DAGLA: variants seen among roughly 807,000 people sequenced by gnomAD.
DAGLA encodes diacylglycerol lipase-alpha.
In DAGLA, 22 loss-of-function variants were observed where a neutral mutation model predicts 102.6. That is an observed-to-expected ratio of 0.21 (90% confidence interval 0.15 to 0.31). The LOEUF (loss-of-function observed/expected upper bound fraction) is 0.31. Ranked by LOEUF, DAGLA falls within the 10% of genes least tolerant of loss-of-function variation. The pLI is 1.00. For synonymous variants in DAGLA, 578 were observed against 628.9 expected, an observed-to-expected ratio of 0.92 and a Z score of 1.21; for missense variants, 927 against 1,446.6, an observed-to-expected ratio of 0.64 and a Z score of 5.83.
chr11:61,731,825 C>G (rs2065378047), intron 9 of DAGLA, among the ~76,000 whole-genome samples: 1 of 152,158 alleles, frequency 6.6e-6, no homozygotes. Context: ...TCTCTCTGCC[C>G]CCTCAGCCAT....
At chr11:61,710,195 G>C (rs886462723) in intron 1 of DAGLA, among the ~76,000 whole-genome samples, 2 of 152,108 alleles carry the variant, frequency 1.3e-5, no homozygotes, top group South Asian at 4.1e-4. Flanking sequence ...AAGCCAGAGC[G>C]CTGGGATTCG....
chr11:61,736,798 G>C (rs559940398), intron 13 of DAGLA, among the ~76,000 whole-genome samples: 1 of 152,202 alleles, frequency 6.6e-6, no homozygotes, highest in Non-Finnish European at 1.5e-5. Context: ...GCAGGCTCTG[G>C]CCTCAGGAGA....
At position 61,701,537 on chromosome 11, in the gene DAGLA, G is replaced by A. The variant is rs566337361; in HGVS notation, c.-44-18575G>A. ...GCCCCCATGTGGTGGGGATGTGTGC[G>A]CGCAGGGGCCCAAGGCTCTGCTTAA... On this transcript the variant is annotated intron_variant, in intron 1 of 19. Coordinates refer to ENST00000257215, the MANE Select transcript of DAGLA (RefSeq NM_006133.3). 2.1e-3 allele frequency among the ~76,000 whole-genome samples: 314 copies of A among 152,342 alleles called. 6 individuals are homozygous for A. In the South Asian group the frequency reaches 0.03, roughly 14 times the overall value.
At chr11:61,738,853 G>A (rs2065450661) in intron 16 of DAGLA, among the ~76,000 whole-genome samples, 1 of 151,516 alleles carries the variant, frequency 6.6e-6, no homozygotes, top group African/African-American at 2.4e-5. Context: ...CCCCGGGCGA[G>A]CCCTCAGCCC....
intron 12 of DAGLA, 115 bp from the exon 13 acceptor site, chr11:61,736,155 C>T (rs536992964): frequency 1.9e-5 from 16 of 846,858 alleles, no homozygotes; most frequent in Middle Eastern, 2.4e-4. Context: ...TGGGTTGTCA[C>T]GAGGCCCAAA....
At chr11:61,688,044 C>T (rs868627358) in intron 1 of DAGLA, among the ~76,000 whole-genome samples, 4 of 152,088 alleles carry the variant, frequency 2.6e-5, no homozygotes, top group East Asian at 3.9e-4. Context: ...TGGCTGGGTG[C>T]GGTGGCTCAC....
At chr11:61,701,382 C>T (rs2065109215) in intron 1 of DAGLA, among the ~76,000 whole-genome samples, 3 of 152,192 alleles carry the variant, frequency 2.0e-5, no homozygotes, top group South Asian at 2.1e-4. Context: ...TGCATGCCTG[C>T]TGCCCGCCTC....
chr11:61,741,088 C>T (rs1282384870), intron 18 of DAGLA, 74 bp from the exon 19 acceptor site: 3 of 1,436,932 alleles, frequency 2.1e-6, no homozygotes, highest in Non-Finnish European at 2.8e-6. Flanking sequence ...GGCCTGGGCC[C>T]TGGCTCCACA....
At chr11:61,730,822 G>A (rs1565260832) in intron 8 of DAGLA, among the ~76,000 whole-genome samples, 1 of 152,318 alleles carries the variant, frequency 6.6e-6, no homozygotes, top group East Asian at 1.9e-4. Flanking sequence ...AGAACCCAAG[G>A]GCCAGAGATT....
intron 1 of DAGLA, among the ~76,000 whole-genome samples, chr11:61,711,930 G>T (rs2065197389): frequency 2.0e-5 from 3 of 152,194 alleles, no homozygotes; most frequent in Non-Finnish European, 4.4e-5. Context: ...TTGTTAAAAG[G>T]ATTACATTAA....
intron 16 of DAGLA, among the ~76,000 whole-genome samples, chr11:61,738,829 C>A (rs1339917475): frequency 6.6e-6 from 1 of 152,124 alleles, no homozygotes; most frequent in African/African-American, 2.4e-5. Context: ...TCACCCCCTG[C>A]CCCCCGCCCC....
At chr11:61,702,088 AT>A (rs1199560768) in intron 1 of DAGLA, among the ~76,000 whole-genome samples, 12 of 151,938 alleles carry the variant, frequency 7.9e-5, no homozygotes, top group Non-Finnish European at 1.5e-4. Flanking sequence ...ATTAAAAAAA[AT>A]TTTTTTTGTA....
At chr11:61,702,087 A>G in intron 1 of DAGLA, among the ~76,000 whole-genome samples, 1 of 152,130 alleles carries the variant, frequency 6.6e-6, no homozygotes, top group Non-Finnish European at 1.5e-5. Context: ...AATTAAAAAA[A>G]ATTTTTTTTG....
intron 5 of DAGLA, among the ~76,000 whole-genome samples, chr11:61,725,010 G>A (rs926680952): frequency 1.5e-4 from 23 of 152,052 alleles, no homozygotes; most frequent in Non-Finnish European, 2.6e-4. Flanking sequence ...TTAGACACAC[G>A]GAGGAGCCAA....
At chr11:61,716,509 A>C (rs549959700) in intron 1 of DAGLA, among the ~76,000 whole-genome samples, 1 of 145,674 alleles carries the variant, frequency 6.9e-6, no homozygotes, top group Admixed American at 7.0e-5. Context: ...AGGATGTGGC[A>C]GTGTAAGAAG....
chr11:61,737,089 A>G, intron 13 of DAGLA, 93 bp from the exon 14 acceptor site: 1 of 1,546,540 alleles, frequency 6.5e-7, no homozygotes, highest in Non-Finnish European at 8.8e-7. Flanking sequence ...GGACTCTGGG[A>G]AGATGGGAAG....
At chr11:61,740,741 C>A in intron 18 of DAGLA, 149 bp downstream of exon 18, 1 of 1,044,228 alleles carries the variant, frequency 9.6e-7, no homozygotes, top group Non-Finnish European at 1.4e-6. Flanking sequence ...AAGCCCCACT[C>A]AAATACTTCA....
intron 1 of DAGLA, among the ~76,000 whole-genome samples, chr11:61,692,461 C>CT (rs1326546815): frequency 6.6e-6 from 1 of 152,118 alleles, no homozygotes; most frequent in Non-Finnish European, 1.5e-5. Context: ...TGAGCCCTGC[C>CT]TTGGGCTTAC....
chr11:61,713,298 G>A (rs888305702), intron 1 of DAGLA, among the ~76,000 whole-genome samples: 1 of 152,214 alleles, frequency 6.6e-6, no homozygotes, highest in African/African-American at 2.4e-5. Flanking sequence ...TGGGTTCTGG[G>A]CCTAGGCTGT....
Sources: gnomAD v4.1 joint callset for allele counts (sites outside exome capture counted in the v4.1 genomes callset) on GRCh38, gnomAD v4.1.1 for gene constraint, MANE v1.5 for transcripts, NCBI Gene and HGNC (gene_info 2026-07-23, HGNC 2026-07-21) for gene names.